Variants in TFEC observed in about 807,000 individuals in gnomAD.
The protein encoded by TFEC is transcription factor EC.
In TFEC, 31 loss-of-function variants were observed where a neutral mutation model predicts 41.6. The ratio of observed to expected loss-of-function variants is 0.74; its 90% CI spans 0.56 to 1.01. The LOEUF is 1.01. Among genes scored for constraint, TFEC ranks in the 50% least tolerant of loss-of-function variants. The pLI is 0.00. For missense variants in TFEC, 402 were observed against 404.1 expected (o/e 0.99, Z 0.04); for synonymous variants, 143 against 140.6 (o/e 1.02, Z -0.12).
At chr7:115,981,246 A>G (rs559765205) in intron 2 of TFEC, among the ~76,000 whole-genome samples, 75 of 152,152 alleles carry the variant, frequency 4.9e-4, no homozygotes, top group African/African-American at 1.8e-3. Flanking sequence ...CAAAAAAATT[A>G]TCTTCCGTCA....
chr7:116,159,435 A>G (rs1247601558), intron 1 of TFEC, among the ~76,000 whole-genome samples: 1 of 152,038 alleles, frequency 6.6e-6, no homozygotes, highest in Non-Finnish European at 1.5e-5. Flanking sequence ...ATAAAAGGAG[A>G]GAAACATAGT....
chr7:115,956,842 T>C (rs1328654251), intron 3 of TFEC, 49 bp from the exon 4 acceptor site: 34 of 1,207,166 alleles, frequency 2.8e-5, no homozygotes, highest in Non-Finnish European at 3.9e-5. Flanking sequence ...TCTGTGCAAA[T>C]TGATATATTT....
chr7:116,151,271 C>T (rs1318239733), intron 1 of TFEC, among the ~76,000 whole-genome samples: 4 of 120,322 alleles, frequency 3.3e-5, no homozygotes, highest in Non-Finnish European at 4.8e-5. Flanking sequence ...GAGATGGAGT[C>T]TCGCTCTGTC....
intron 1 of TFEC, among the ~76,000 whole-genome samples, chr7:115,992,318 C>G (rs541209355): frequency 6.6e-6 from 1 of 152,248 alleles, no homozygotes; most frequent in South Asian, 2.1e-4. Flanking sequence ...AGAGAAAACA[C>G]ATTCAAAAGC....
intron 1 of TFEC, among the ~76,000 whole-genome samples, chr7:116,005,724 G>A (rs1305579114): frequency 6.6e-6 from 1 of 152,190 alleles, no homozygotes; most frequent in Non-Finnish European, 1.5e-5. Context: ...ATGAGGAGCT[G>A]AATGTTAATC....
At chr7:116,124,033 G>T (rs1163786891) in intron 1 of TFEC, among the ~76,000 whole-genome samples, 1 of 152,108 alleles carries the variant, frequency 6.6e-6, no homozygotes, top group Non-Finnish European at 1.5e-5. Flanking sequence ...GAAAGAAGAA[G>T]GAGAGTACAG....
intron 1 of TFEC, among the ~76,000 whole-genome samples, chr7:116,149,272 T>C (rs1798712063): frequency 6.6e-6 from 1 of 151,952 alleles, no homozygotes. Flanking sequence ...AAATACATAA[T>C]GTAGGGAATG....
intron 1 of TFEC, among the ~76,000 whole-genome samples, chr7:116,131,832 G>A (rs964073324): frequency 6.6e-6 from 1 of 152,158 alleles, no homozygotes; most frequent in Admixed American, 6.5e-5. Context: ...TACAGTATTA[G>A]TACCCTTGAG....
At chr7:116,060,489 T>TA (rs1419022854) in intron 3 of TFEC, among the ~76,000 whole-genome samples, 1 of 152,028 alleles carries the variant, frequency 6.6e-6, no homozygotes, top group Non-Finnish European at 1.5e-5. Context: ...CAGGTGGGAT[T>TA]AAAAAATGTG....
Position 115,945,907 on chromosome 7 carries a change from T to C in TFEC, c.516-3867A>G, listed in dbSNP as rs760399238. ...GTCTGTGTCTGCTTTCATGCTACAATGCCAGAGTTAAATAATTGTGACAAA... is the reference window on the plus strand; with the variant it reads ...GTCTGTGTCTGCTTTCATGCTACAACGCCAGAGTTAAATAATTGTGACAAA... On this transcript the variant is annotated intron_variant, in intron 6 of 7. Coordinates refer to ENST00000265440, the MANE Select transcript of TFEC (RefSeq NM_012252.4). Among the ~76,000 whole-genome samples, 20 of 151,750 alleles carry C rather than the reference T, an allele frequency of 1.3e-4. 1 individual carries two copies. Among genetic ancestry groups the C allele is most frequent in the Non-Finnish European group, 2.8e-4 (19 of 67,938 alleles).
chr7:115,953,871 G>T (rs914185635), intron 5 of TFEC, among the ~76,000 whole-genome samples: 2 of 152,010 alleles, frequency 1.3e-5, no homozygotes, highest in Non-Finnish European at 2.9e-5. Flanking sequence ...ATTAGTTTTA[G>T]GAATTTGCAA....
intron 1 of TFEC, among the ~76,000 whole-genome samples, chr7:116,008,166 T>C (rs11764997): frequency 0.4 from 61,482 of 152,004 alleles, 13,434 homozygotes; most frequent in Non-Finnish European, 0.5. Context: ...CAGGCAATTA[T>C]CTCAATAACA....
At chr7:115,953,195 G>A (rs972712539) in intron 5 of TFEC, among the ~76,000 whole-genome samples, 1 of 134,442 alleles carries the variant, frequency 7.4e-6, no homozygotes, top group African/African-American at 2.5e-5. Flanking sequence ...TGCAAGCTGA[G>A]AGCTGACACT....
chr7:116,159,048 AACTG>A (rs1351344431), intron 1 of TFEC, among the ~76,000 whole-genome samples: 1 of 151,874 alleles, frequency 6.6e-6, no homozygotes, highest in Non-Finnish European at 1.5e-5. Flanking sequence ...TATATAGTTC[AACTG>A]ACTCACAGTT....
In TFEC at chr7:116,038,277, A is replaced by C. The variant is rs61295345; in HGVS notation, c.199-53764T>G. ...CATCTAAAAATTTTGAAGTAGGCAAAACTTGTCTTTAACATGCAATCTCTG... is the reference window on the plus strand; with the variant it reads ...CATCTAAAAATTTTGAAGTAGGCAACACTTGTCTTTAACATGCAATCTCTG... On this transcript the variant is annotated intron_variant, in intron 3 of 8. Transcript: ENST00000484212. 3.3e-3 allele frequency among the ~76,000 whole-genome samples: 503 copies of C among 152,100 alleles called. 3 individuals carry two copies. Among genetic ancestry groups the C allele is most frequent in the African/African-American group, 0.012 (484 of 41,548 alleles).
chr7:116,002,081 T>C (rs959544551), intron 1 of TFEC, among the ~76,000 whole-genome samples: 8 of 152,216 alleles, frequency 5.3e-5, no homozygotes, highest in African/African-American at 1.9e-4. Flanking sequence ...TTCGTGGGAA[T>C]GTAAGTTAGT....
chr7:116,112,258 C>A (rs1237178669), intron 1 of TFEC, among the ~76,000 whole-genome samples: 11 of 151,992 alleles, frequency 7.2e-5, no homozygotes, highest in Non-Finnish European at 2.9e-5. Flanking sequence ...TACTTGAGAG[C>A]AAATAACTGA....
At chr7:116,077,506 C>G (rs1352512496) in intron 3 of TFEC, among the ~76,000 whole-genome samples, 3 of 152,024 alleles carry the variant, frequency 2.0e-5, no homozygotes, top group Non-Finnish European at 4.4e-5. Context: ...ATTCGCCAAC[C>G]AAGTTTCTGC....
chr7:115,998,047 G>C (rs898178720), intron 1 of TFEC, among the ~76,000 whole-genome samples: 10 of 151,976 alleles, frequency 6.6e-5, no homozygotes, highest in Admixed American at 6.6e-4. Flanking sequence ...TATTCAAATG[G>C]GTAATAACAC....
Sources: gnomAD v4.1 joint callset for allele counts (sites outside exome capture counted in the v4.1 genomes callset) on GRCh38, gnomAD v4.1.1 for gene constraint, MANE v1.5 for transcripts, NCBI Gene and HGNC (gene_info 2026-07-23, HGNC 2026-07-21) for gene names.